The following CABLES1 variants were observed in gnomAD, a reference collection of about 807,000 sequenced individuals.
CABLES1 encodes CDK5 and ABL1 enzyme substrate 1.
A neutral mutation model predicts 57.8 loss-of-function variants in CABLES1; 36 were observed. That is an observed-to-expected ratio of 0.62 (90% CI 0.48 to 0.82). CABLES1 has a LOEUF of 0.82. Among genes scored for constraint, CABLES1 ranks in the 40% least tolerant of loss-of-function variants. CABLES1 has a pLI of 0.00. For synonymous variants in CABLES1, 374 were observed against 363.0 expected (o/e 1.03, Z -0.35); for missense variants, 767 against 836.6 (o/e 0.92, Z 1.03).
chr18:23,214,811 C>T (rs2047430395), intron 4 of CABLES1: 1 of 152,294 alleles, frequency 6.6e-6, no homozygotes, highest in African/African-American at 2.4e-5. Context: ...AGCCACACCA[C>T]AGACATGTGA....
intron 3 of CABLES1, among the ~76,000 whole-genome samples, chr18:23,211,528 T>A (rs1323163458): frequency 6.6e-6 from 1 of 152,228 alleles, no homozygotes; most frequent in African/African-American, 2.4e-5. Flanking sequence ...GCACTGGGCA[T>A]GGTGACCCAC....
chr18:23,238,978 T>C (rs1191362411), intron 7 of CABLES1, among the ~76,000 whole-genome samples: 1 of 152,264 alleles, frequency 6.6e-6, no homozygotes, highest in Non-Finnish European at 1.5e-5. Context: ...TATTTCGATG[T>C]TGGCGGGAGC....
intron 1 of CABLES1, among the ~76,000 whole-genome samples, chr18:23,177,271 G>C (rs886428041): frequency 6.6e-6 from 1 of 152,076 alleles, no homozygotes; most frequent in African/African-American, 2.4e-5. Flanking sequence ...TCTCAGGAAC[G>C]AGTTCTGCTC....
intron 1 of CABLES1, among the ~76,000 whole-genome samples, chr18:23,138,732 C>T (rs2046838924): frequency 6.6e-6 from 1 of 152,194 alleles, no homozygotes; most frequent in Non-Finnish European, 1.5e-5. Context: ...TTTGTGGAAA[C>T]CTTTCCTGGT....
chr18:23,234,624 G>A lies in CABLES1; in HGVS notation c.1105G>A (p.Gly369Arg), dbSNP rs776240908. ...TCCTCCCAGGGACTTGAAGTTGGAC[G>A]GAGGAAGACAATCAACTGGTGCAGT... ...STQVGDLKLD[G>R]GRQSTGAVSL... is the part of the protein sequence containing the mutation. The change falls in exon 5 of 10, where the codon GGA becomes AGA. Residue 369 changes from glycine (G) to arginine (R), a missense_variant. Around this residue, in one of 4 missense-constraint regions of CABLES1, gnomAD observed 529 missense variants for 622.8 expected, o/e 0.85. Coordinates refer to ENST00000256925, the MANE Select transcript of CABLES1 (RefSeq NM_001100619.3). 3.8e-5 allele frequency: 61 copies of A among 1,613,710 alleles called. No homozygotes were observed. Among genetic ancestry groups the A allele is most frequent in the South Asian group, 1.2e-4 (11 of 91,064 alleles).
intron 4 of CABLES1, among the ~76,000 whole-genome samples, chr18:23,229,305 G>A (rs1322118186): frequency 2.0e-5 from 3 of 152,066 alleles, no homozygotes; most frequent in Admixed American, 6.6e-5. Context: ...CCAGCTACTC[G>A]GGAGGCTGAG....
At chr18:23,195,096 A>G (rs1289950263) in intron 3 of CABLES1, among the ~76,000 whole-genome samples, 1 of 152,214 alleles carries the variant, frequency 6.6e-6, no homozygotes, top group Non-Finnish European at 1.5e-5. Context: ...GCTCGTTTGG[A>G]AAGCACCATT....
At chr18:23,207,613 C>T (rs2047373595) in intron 3 of CABLES1, among the ~76,000 whole-genome samples, 2 of 152,142 alleles carry the variant, frequency 1.3e-5, no homozygotes, top group African/African-American at 4.8e-5. Context: ...GGAGGGAGCT[C>T]TTAGCTGGGC....
At chr18:23,246,716 C>T (rs1429030334) in intron 7 of CABLES1, among the ~76,000 whole-genome samples, 1 of 151,514 alleles carries the variant, frequency 6.6e-6, no homozygotes, top group Non-Finnish European at 1.5e-5. Flanking sequence ...GTTTTTGAGA[C>T]AGTCTCACTC....
chr18:23,183,702 CAT>C lies in CABLES1; in HGVS notation c.846-5133_846-5132del, dbSNP rs2047183273. On this transcript the variant is annotated intron_variant, in intron 1 of 9. Coordinates refer to ENST00000256925, the MANE Select transcript of CABLES1 (RefSeq NM_001100619.3). Reference sequence around the variant, plus strand: ...GCTTTGAACCCTGCCAGTCTCTTACCATATGTCTACTTGGTCAGCCTGCTATT... The same window carrying C: ...GCTTTGAACCCTGCCAGTCTCTTACCATGTCTACTTGGTCAGCCTGCTATT... Among the ~76,000 whole-genome samples, 3 of 152,174 alleles carry C rather than the reference CAT, an allele frequency of 2.0e-5. No homozygotes were observed. The South Asian group carries it at 6.2e-4, about 31-fold the overall frequency.
rs530787469 is a variant in CABLES1, at chr18:23,248,828, C to CA, written c.1447-4126dup. ...CAACAAGAGCGAAACTCCATCTCAA[C>CA]AAAAAAGAAGAAGAAAGGTATCTAA... On this transcript the variant is annotated intron_variant, in intron 7 of 9. Transcript: ENST00000256925. 2.6e-5 allele frequency among the ~76,000 whole-genome samples: 4 copies of CA among 152,044 alleles called. No homozygotes were observed. In the South Asian group the frequency reaches 8.3e-4, roughly 32 times the overall value.
At chr18:23,239,369 T>C (rs2047680242) in intron 7 of CABLES1, among the ~76,000 whole-genome samples, 1 of 152,258 alleles carries the variant, frequency 6.6e-6, no homozygotes, top group Non-Finnish European at 1.5e-5. Context: ...TGGAGACCTA[T>C]GTTTCCTATT....
intron 5 of CABLES1, among the ~76,000 whole-genome samples, chr18:23,235,220 G>A (rs2047594732): frequency 6.6e-6 from 1 of 152,170 alleles, no homozygotes; most frequent in South Asian, 2.1e-4. Flanking sequence ...TTTGTGCAGG[G>A]TCCAGACGGT....
At chr18:23,156,027 A>ATT in intron 1 of CABLES1, 1 of 1,532,126 alleles carries the variant, frequency 6.5e-7, no homozygotes, top group South Asian at 1.1e-5. Flanking sequence ...TTGGATGCTG[A>ATT]CGGTCTTTGT....
intron 4 of CABLES1, chr18:23,227,107 T>A (rs886769877): frequency 6.6e-6 from 1 of 152,186 alleles, no homozygotes; most frequent in Non-Finnish European, 1.5e-5. Flanking sequence ...ACTTTTGGCA[T>A]TGGGGGCATT....
intron 1 of CABLES1, among the ~76,000 whole-genome samples, chr18:23,175,710 A>G (rs1237072039): frequency 6.6e-6 from 1 of 152,210 alleles, no homozygotes; most frequent in Non-Finnish European, 1.5e-5. Flanking sequence ...TGGCTTCCCA[A>G]AGTCTCAGAA....
intron 1 of CABLES1, 50 bp downstream of exon 1, chr18:23,136,657 C>A: frequency 8.5e-7 from 1 of 1,182,114 alleles, no homozygotes; most frequent in Non-Finnish European, 1.1e-6. Flanking sequence ...CCGCCCGGCG[C>A]TCCCAGCCTC....
intron 1 of CABLES1, among the ~76,000 whole-genome samples, chr18:23,144,216 C>T (rs542159049): frequency 1.3e-4 from 20 of 152,358 alleles, no homozygotes; most frequent in African/African-American, 4.3e-4. Flanking sequence ...GCCCCTCCTC[C>T]GTGGTCTGGT....
intron 1 of CABLES1, among the ~76,000 whole-genome samples, chr18:23,151,369 C>T (rs1024775980): frequency 6.6e-6 from 1 of 152,140 alleles, no homozygotes; most frequent in African/African-American, 2.4e-5. Context: ...TGAAGGAGGA[C>T]AGACATGGAT....
Sources: gnomAD v4.1 joint callset for allele counts (sites outside exome capture counted in the v4.1 genomes callset) on GRCh38, gnomAD v4.1.1 for gene constraint, gnomAD v4.1.1 regional missense constraint, MANE v1.5 for transcripts, NCBI Gene and HGNC (gene_info 2026-07-23, HGNC 2026-07-21) for gene names.